SHB: variants seen among roughly 807,000 people sequenced by gnomAD.
SHB encodes the protein SH2 domain containing adaptor protein B.
A neutral mutation model predicts 52.3 loss-of-function variants in SHB; 20 were observed. The observed-to-expected ratio is 0.38, with a 90% CI of 0.27 to 0.56. SHB has a LOEUF of 0.56. SHB is among the 20% of genes least tolerant of loss of function. The pLI, the probability that SHB is intolerant of heterozygous loss-of-function variation, is 0.71. For synonymous variants in SHB, 397 were observed against 316.5 expected, an observed-to-expected ratio of 1.25 and a Z score of -2.70; for missense variants, 825 against 723.3, an observed-to-expected ratio of 1.14 and a Z score of -1.61.
At chr9:38,022,475 C>T (rs934453462) in intron 1 of SHB, among the ~76,000 whole-genome samples, 5 of 152,192 alleles carry the variant, frequency 3.3e-5, no homozygotes, top group Admixed American at 1.3e-4. Context: ...CTTGGCTTGC[C>T]GGGAGCCCTG....
chr9:38,059,542 G>T (rs919689269), intron 1 of SHB, among the ~76,000 whole-genome samples: 1 of 152,198 alleles, frequency 6.6e-6, no homozygotes, highest in African/African-American at 2.4e-5. Context: ...CGCTGAAAGT[G>T]AAACATTAAT....
At chr9:38,014,019 T>C (rs1000857588) in intron 2 of SHB, among the ~76,000 whole-genome samples, 2 of 152,128 alleles carry the variant, frequency 1.3e-5, no homozygotes, top group Non-Finnish European at 2.9e-5. Context: ...TGCCATTTCC[T>C]CATGTCTAGG....
rs1404293655 is a variant in SHB at position 37,918,369 on chromosome 9, G to A, written c.*1452C>T. Among the ~76,000 whole-genome samples, 2 of 147,994 alleles carry A rather than the reference G, an allele frequency of 1.4e-5. No individual in the cohort carries two copies. The highest frequency in any genetic ancestry group is 6.7e-5 in the Admixed American group (1 of 14,860). On this transcript the variant is annotated 3_prime_UTR_variant, in exon 6 of 6. Transcript: ENST00000377707. ...CAAGCAAGAGAGAGGTCGCGTGTGC[G>A]TGTGCGTGTGTAGGTGTTCTTGTGT...
chr9:38,067,845 T>C (rs1401593000), intron 1 of SHB, 84 bp downstream of exon 1: 1 of 1,353,878 alleles, frequency 7.4e-7, no homozygotes, highest in Non-Finnish European at 9.5e-7. Flanking sequence ...AAGTAGAGAC[T>C]CAACACCAGA....
intron 5 of SHB, among the ~76,000 whole-genome samples, chr9:37,924,305 A>G (rs1490287603): frequency 6.6e-6 from 1 of 152,214 alleles, no homozygotes; most frequent in East Asian, 1.9e-4. Context: ...GGGCTTTAAT[A>G]AAACATTACT....
intron 1 of SHB, 133 bp downstream of exon 1, chr9:38,067,796 A>G: frequency 1.0e-6 from 1 of 1,002,150 alleles, no homozygotes; most frequent in Non-Finnish European, 1.3e-6. Flanking sequence ...AGCGGGAAGC[A>G]GCACGCCAGC....
At chr9:38,004,431 TGAG>T (rs1001041230) in intron 2 of SHB, among the ~76,000 whole-genome samples, 2 of 151,962 alleles carry the variant, frequency 1.3e-5, no homozygotes, top group Non-Finnish European at 2.9e-5. Flanking sequence ...AAAGATCTGC[TGAG>T]GAGGTGGGCG....
At chr9:38,042,367 T>A (rs1380017858) in intron 1 of SHB, among the ~76,000 whole-genome samples, 2 of 152,312 alleles carry the variant, frequency 1.3e-5, no homozygotes, top group South Asian at 4.1e-4. Context: ...GCCCTTTAAT[T>A]ACTGAGGAGC....
intron 1 of SHB, 128 bp from the exon 2 acceptor site, chr9:38,016,259 C>A: frequency 1.1e-6 from 1 of 901,456 alleles, no homozygotes; most frequent in South Asian, 1.7e-5. Context: ...CTAAAGCCGG[C>A]GCCCGGACTC....
At chr9:38,042,416 C>A (rs148431099) in intron 1 of SHB, among the ~76,000 whole-genome samples, 71 of 152,320 alleles carry the variant, frequency 4.7e-4, no homozygotes, top group Middle Eastern at 3.4e-3. Context: ...AGTGGGGAGG[C>A]CCCAGTCCCG....
intron 3 of SHB, among the ~76,000 whole-genome samples, chr9:37,973,800 G>A (rs937799161): frequency 6.6e-5 from 10 of 152,284 alleles, no homozygotes; most frequent in South Asian, 2.1e-4. Context: ...CTCTGTGAGC[G>A]TGTGCACGCT....
chr9:37,968,226 T>C (rs1820552189), intron 3 of SHB, among the ~76,000 whole-genome samples: 1 of 152,200 alleles, frequency 6.6e-6, no homozygotes, highest in Non-Finnish European at 1.5e-5. Flanking sequence ...TTCATTCAGA[T>C]CTTTTGTTTT....
At chr9:37,951,790 G>A (rs1327123673) in intron 4 of SHB, among the ~76,000 whole-genome samples, 1 of 152,260 alleles carries the variant, frequency 6.6e-6, no homozygotes, top group African/African-American at 2.4e-5. Context: ...AGGGGCTGAG[G>A]AACAAAGGAG....
chr9:38,043,914 G>C (rs373148554), intron 1 of SHB, among the ~76,000 whole-genome samples: 1 of 151,756 alleles, frequency 6.6e-6, no homozygotes, highest in Non-Finnish European at 1.5e-5. Flanking sequence ...ATTAAGAAAA[G>C]AAACCATTCT....
At chr9:37,997,381 A>G (rs537210477) in intron 2 of SHB, among the ~76,000 whole-genome samples, 82 of 152,290 alleles carry the variant, frequency 5.4e-4, no homozygotes, top group East Asian at 1.2e-3. Flanking sequence ...GCTGCTGCCT[A>G]GACAGCCCCT....
At chr9:38,051,750 G>A (rs77243362) in intron 1 of SHB, among the ~76,000 whole-genome samples, 2 of 152,254 alleles carry the variant, frequency 1.3e-5, no homozygotes, top group East Asian at 1.9e-4. Context: ...TTTACAAAGC[G>A]TTTCTTCTGA....
intron 1 of SHB, among the ~76,000 whole-genome samples, chr9:38,058,004 A>G (rs1029636004): frequency 1.3e-5 from 2 of 152,246 alleles, no homozygotes; most frequent in East Asian, 1.9e-4. Context: ...AATTAGGAGT[A>G]CTGGGGCAAT....
intron 5 of SHB, among the ~76,000 whole-genome samples, chr9:37,924,698 C>G (rs559203347): frequency 6.6e-6 from 1 of 152,314 alleles, no homozygotes; most frequent in East Asian, 1.9e-4. Context: ...TTCAAGAGCC[C>G]CTACTGGGTA....
intron 2 of SHB, among the ~76,000 whole-genome samples, chr9:37,977,215 A>G (rs1820666792): frequency 6.6e-6 from 1 of 152,218 alleles, no homozygotes; most frequent in South Asian, 2.1e-4. Flanking sequence ...AAAAATAGAT[A>G]CTAAGCAGAA....
Sources: allele counts gnomAD v4.1 joint callset (sites outside exome capture counted in the v4.1 genomes callset), GRCh38; gene constraint gnomAD v4.1.1; transcripts MANE v1.5; gene names NCBI Gene and HGNC (gene_info 2026-07-23, HGNC 2026-07-21).